The following TENT2 variants were observed in gnomAD, a reference collection of about 807,000 sequenced individuals.
TENT2 encodes the protein terminal nucleotidyltransferase 2.
A neutral mutation model predicts 72.2 loss-of-function variants in TENT2; 44 were observed. The ratio of observed to expected loss-of-function variants is 0.61; its 90% CI spans 0.48 to 0.78. The LOEUF is 0.78. TENT2 is among the 30% of genes least tolerant of loss of function. The pLI is 0.00. For synonymous variants in TENT2, 212 were observed against 192.5 expected, an observed-to-expected ratio of 1.10 and a Z score of -0.84; for missense variants, 541 against 569.6, an observed-to-expected ratio of 0.95 and a Z score of 0.51.
At chr5:79,618,087 T>C (rs1043768178) in intron 1 of TENT2, among the ~76,000 whole-genome samples, 2 of 152,212 alleles carry the variant, frequency 1.3e-5, no homozygotes, top group African/African-American at 4.8e-5. Flanking sequence ...TTAATACTTT[T>C]TGTTTTCTCT....
Position 79,641,173 on chromosome 5 carries a change from T to C in TENT2, c.649T>C (p.Cys217Arg). 1 of 1,578,342 alleles carries C rather than the reference T, an allele frequency of 6.3e-7. No individual in the cohort carries two copies. The highest frequency in any genetic ancestry group is 1.2e-5 in the South Asian group (1 of 83,694). ...TACCCGGAGCAGTGATGGTGATTTA[T>C]GCCTAGTTGTTAAGGAAGAACCAGT... ...FGTRSSDGDL[C>R]LVVKEEPCFF... The change falls in exon 6 of 15, where the codon TGC becomes CGC. Residue 217 changes from cysteine (C) to arginine (R), a missense_variant. By Grantham distance (180) the Cys-to-Arg change is radical (BLOSUM62 -3). Coordinates refer to ENST00000453514, the MANE Select transcript of TENT2 (RefSeq NM_001114394.3).
rs1791545700 is a variant in TENT2, at chr5:79,649,177, G to A, written c.1014G>A (p.Leu338=). Residue 338 remains leucine, a synonymous_variant, in exon 10 of 15, where the codon TTG becomes TTA. Transcript: ENST00000453514. ...LSSYSLVLMV[L]HYLQTLPEPI... ...GCTATAGTCTTGTATTGATGGTTTT[G>A]CACTATTTACAAAGTAAGTATAATG... is the stretch of plus-strand genomic sequence containing the variant. The A allele has an allele frequency of 6.2e-7, 1 of 1,612,786 alleles. No homozygotes were observed. Among genetic ancestry groups the A allele is most frequent in the Non-Finnish European group, 8.5e-7 (1 of 1,179,240 alleles).
chr5:79,636,627 G>A (rs1468830046), intron 4 of TENT2, among the ~76,000 whole-genome samples: 1 of 152,044 alleles, frequency 6.6e-6, no homozygotes, highest in Admixed American at 6.6e-5. Context: ...CATTTCTTGT[G>A]AAACAAATAT....
At chr5:79,653,928 G>A (rs375848362) in intron 10 of TENT2, among the ~76,000 whole-genome samples, 2 of 152,122 alleles carry the variant, frequency 1.3e-5, no homozygotes, top group Admixed American at 1.3e-4. Context: ...TGACCTTTAC[G>A]TTTTGTTTAA....
At position 79,613,030 on chromosome 5, in the gene TENT2, T is replaced by G. The variant is rs185890647; in HGVS notation, c.-83T>G. ...CTCCAGGACCAAAAGAGGAAGATAG[T>G]CTTGGGACCCTTGCATGGTGTTTCA... On this transcript the variant is annotated 5_prime_UTR_variant, in exon 1 of 15. Transcript: ENST00000453514. 1 of 152,356 alleles carries G rather than the reference T, an allele frequency of 6.6e-6. No individual in the cohort carries two copies. Among genetic ancestry groups the G allele is most frequent in the East Asian group, 1.9e-4 (1 of 5,192 alleles). The allele number at this position is 152,356 out of a possible 1,614,324, so 9.4% of individuals were successfully genotyped here. A position where few individuals can be genotyped will look rare whatever the true frequency, so the allele number is the denominator to read the frequency against.
intron 4 of TENT2, among the ~76,000 whole-genome samples, chr5:79,627,575 T>A (rs1771413417): frequency 6.6e-6 from 1 of 152,104 alleles, no homozygotes; most frequent in Non-Finnish European, 1.5e-5. Flanking sequence ...GACCTCCATC[T>A]CCCGGGTTCA....
intron 12 of TENT2, among the ~76,000 whole-genome samples, chr5:79,676,588 T>C (rs1363054189): frequency 1.3e-5 from 2 of 152,020 alleles, no homozygotes; most frequent in Non-Finnish European, 2.9e-5. Flanking sequence ...CTCTGACTAA[T>C]AAATAAATAA....
intron 12 of TENT2, among the ~76,000 whole-genome samples, chr5:79,678,333 T>C (rs1229355065): frequency 2.0e-5 from 3 of 152,170 alleles, no homozygotes; most frequent in Non-Finnish European, 4.4e-5. Context: ...ATTCTCTTTT[T>C]GATAAATAGA....
intron 12 of TENT2, among the ~76,000 whole-genome samples, chr5:79,676,522 G>A (rs1249843369): frequency 1.3e-5 from 2 of 152,118 alleles, no homozygotes; most frequent in Admixed American, 6.5e-5. Flanking sequence ...GAGGCACGGA[G>A]GTTGCAGTGA....
At chr5:79,620,149 C>T in intron 3 of TENT2, 66 bp downstream of exon 3, 2 of 1,107,358 alleles carry the variant, frequency 1.8e-6, no homozygotes, top group South Asian at 2.8e-5. Flanking sequence ...AATGATGTAT[C>T]TTGAATTAAT....
At chr5:79,622,330 T>C (rs535063673) in intron 3 of TENT2, among the ~76,000 whole-genome samples, 2 of 152,108 alleles carry the variant, frequency 1.3e-5, no homozygotes, top group Admixed American at 6.5e-5. Context: ...ACCCATAGAA[T>C]TTTCAGGCTT....
rs1448121967 is a variant in TENT2 at position 79,655,696 on chromosome 5, A to AAT, written c.1028-1253_1028-1252dup. ...ATTTGAATGCCTCTTAGGGGAAAGG[A>AAT]ATATATATATCCTTACTTTCTAAGA... On this transcript the variant is annotated intron_variant, in intron 10 of 14. Transcript: ENST00000453514. 2.0e-5 allele frequency among the ~76,000 whole-genome samples: 3 copies of AAT among 151,724 alleles called. No individual in the cohort carries two copies. In the East Asian group the frequency reaches 5.8e-4, roughly 29 times the overall value.
At chr5:79,644,112 A>C (rs998329475) in intron 7 of TENT2, among the ~76,000 whole-genome samples, 4 of 151,752 alleles carry the variant, frequency 2.6e-5, no homozygotes, top group African/African-American at 9.7e-5. Context: ...CTCCTGATTA[A>C]CTGGGATTAC....
intron 4 of TENT2, among the ~76,000 whole-genome samples, chr5:79,632,816 A>G (rs1776602547): frequency 6.6e-6 from 1 of 152,220 alleles, no homozygotes. Flanking sequence ...ATATAAATTT[A>G]CATAGAACAC....
intron 10 of TENT2, among the ~76,000 whole-genome samples, chr5:79,654,093 CA>C (rs1404368424): frequency 1.3e-5 from 2 of 152,088 alleles, no homozygotes; most frequent in Admixed American, 1.3e-4. Flanking sequence ...CTCATCAAAG[CA>C]TGAGGGGGAA....
chr5:79,641,480 A>ATTTTTTTTTTTTTTTT, intron 6 of TENT2, among the ~76,000 whole-genome samples: 1 of 148,832 alleles, frequency 6.7e-6, no homozygotes. Context: ...TTGAAATGTC[A>ATTTTTTTTTTTTTTTT]TTAGTTTGGA....
At chr5:79,678,887 T>C (rs1015253141) in intron 12 of TENT2, among the ~76,000 whole-genome samples, 17 of 152,208 alleles carry the variant, frequency 1.1e-4, no homozygotes, top group African/African-American at 4.1e-4. Flanking sequence ...TTTGTTTACT[T>C]GTACTTTCTT....
intron 1 of TENT2, among the ~76,000 whole-genome samples, chr5:79,616,552 A>G (rs747599870): frequency 2.0e-5 from 3 of 152,096 alleles, no homozygotes; most frequent in Non-Finnish European, 2.9e-5. Context: ...TCCTGGGCTC[A>G]AACAATCTGC....
At chr5:79,619,511 A>G in intron 1 of TENT2, 101 bp from the exon 2 acceptor site, 1 of 854,890 alleles carries the variant, frequency 1.2e-6, no homozygotes, top group Non-Finnish European at 1.6e-6. Flanking sequence ...AAAATTTGTA[A>G]CTTGATAACT....
Sources: gnomAD v4.1 joint callset for allele counts (sites outside exome capture counted in the v4.1 genomes callset) on GRCh38, gnomAD v4.1.1 for gene constraint, MANE v1.5 for transcripts, NCBI Gene and HGNC (gene_info 2026-07-23, HGNC 2026-07-21) for gene names.